Variants in MBNL2 observed in about 807,000 individuals in gnomAD.
MBNL2 encodes muscleblind like splicing regulator 2, also known as muscleblind-like protein 2.
MBNL2 carries 17 observed loss-of-function variants against 41.9 expected under a neutral mutation model. The observed-to-expected ratio is 0.41, with a 90% CI of 0.28 to 0.61. The LOEUF (loss-of-function observed/expected upper bound fraction) is 0.61, where lower values mean the gene tolerates loss of function less well. Among genes scored for constraint, MBNL2 ranks in the 20% least tolerant of loss-of-function variants. The pLI is 0.35. For missense variants in MBNL2, 336 were observed against 505.6 expected (o/e 0.66, Z 3.22); for synonymous variants, 195 against 182.9 (o/e 1.07, Z -0.53).
chr13:97,257,624 G>T (rs1469954964), intron 1 of MBNL2, among the ~76,000 whole-genome samples: 2 of 152,206 alleles, frequency 1.3e-5, no homozygotes, highest in Non-Finnish European at 2.9e-5. Flanking sequence ...AGATTTCTTG[G>T]TTCATCTTTA....
chr13:97,336,601 G>A (rs1284973759), intron 3 of MBNL2, among the ~76,000 whole-genome samples: 2 of 152,092 alleles, frequency 1.3e-5, no homozygotes, highest in East Asian at 1.9e-4. Context: ...GCAGAGGAAT[G>A]CCAGCAACCA....
chr13:97,154,989 AC>A, the MBNL2 span, among the ~76,000 whole-genome samples: 1 of 152,056 alleles, frequency 6.6e-6, no homozygotes, highest in Non-Finnish European at 1.5e-5. Flanking sequence ...TTTTGGACAG[AC>A]CTATGACTCC....
the MBNL2 span, among the ~76,000 whole-genome samples, chr13:97,154,810 G>GATGT: frequency 6.6e-6 from 1 of 151,802 alleles, no homozygotes; most frequent in Non-Finnish European, 1.5e-5. Context: ...TGGATGGATG[G>GATGT]ATGGATGGAT....
At chr13:97,320,775 C>T (rs936865833) in intron 2 of MBNL2, among the ~76,000 whole-genome samples, 2 of 151,902 alleles carry the variant, frequency 1.3e-5, no homozygotes, top group African/African-American at 4.8e-5. Flanking sequence ...ATTAGCCGGG[C>T]ATGGTGGTGG....
chr13:97,227,764 G>A (rs566840137), intron 1 of MBNL2, among the ~76,000 whole-genome samples: 1 of 152,296 alleles, frequency 6.6e-6, no homozygotes, highest in Non-Finnish European at 1.5e-5. Flanking sequence ...CATGGGCAGC[G>A]TGTGCATTTA....
intron 1 of MBNL2, among the ~76,000 whole-genome samples, chr13:97,247,025 G>A (rs989902929): frequency 1.3e-5 from 2 of 152,166 alleles, no homozygotes; most frequent in Non-Finnish European, 2.9e-5. Flanking sequence ...TTATTGTGCA[G>A]GCTGACAGTC....
the MBNL2 span, among the ~76,000 whole-genome samples, chr13:97,159,177 TGTTG>T: frequency 1.3e-5 from 2 of 152,088 alleles, no homozygotes; most frequent in African/African-American, 4.8e-5. Flanking sequence ...TTTTGATCTT[TGTTG>T]GTTTAAAGTC....
At chr13:97,387,689 A>C (rs1200095014) in intron 8 of MBNL2, among the ~76,000 whole-genome samples, 2 of 152,182 alleles carry the variant, frequency 1.3e-5, no homozygotes, top group East Asian at 3.8e-4. Context: ...CTCCAAACTC[A>C]TGCTGGTTTG....
intron 2 of MBNL2, among the ~76,000 whole-genome samples, chr13:97,323,393 A>G (rs922664541): frequency 6.6e-6 from 1 of 152,232 alleles, no homozygotes; most frequent in Non-Finnish European, 1.5e-5. Context: ...TCAACCAACT[A>G]TGGATTGAAA....
upstream of MBNL2, among the ~76,000 whole-genome samples, chr13:97,218,645 G>T (rs2040613626): frequency 6.6e-6 from 1 of 151,866 alleles, no homozygotes; most frequent in African/African-American, 2.4e-5. Flanking sequence ...CAAACATTCT[G>T]CTTTCTAGTT....
the MBNL2 span, among the ~76,000 whole-genome samples, chr13:97,211,606 G>T: frequency 2.0e-5 from 3 of 152,292 alleles, no homozygotes; most frequent in African/African-American, 4.8e-5. Flanking sequence ...AGACCAAAAT[G>T]ATGTGAGGTG....
chr13:97,165,205 A>C, the MBNL2 span, among the ~76,000 whole-genome samples: 3 of 152,172 alleles, frequency 2.0e-5, no homozygotes, highest in South Asian at 2.1e-4. Context: ...CCCTATGTCC[A>C]AAAGAAAAAA....
At chr13:97,357,902 T>G (rs980067567) in intron 7 of MBNL2, among the ~76,000 whole-genome samples, 1 of 152,228 alleles carries the variant, frequency 6.6e-6, no homozygotes, top group African/African-American at 2.4e-5. Flanking sequence ...TTCTTGTATT[T>G]GCACAAGCCC....
chr13:97,314,956 G>C (rs1297326185), intron 2 of MBNL2, among the ~76,000 whole-genome samples: 4 of 152,228 alleles, frequency 2.6e-5, no homozygotes, highest in African/African-American at 9.6e-5. Context: ...ATAAGAATCA[G>C]GGTTGAAAAC....
chr13:97,208,289 T>C, the MBNL2 span, among the ~76,000 whole-genome samples: 23 of 152,326 alleles, frequency 1.5e-4, no homozygotes, highest in Non-Finnish European at 2.9e-4. Context: ...GGGACCATTA[T>C]TTAGCAGGAA....
chr13:97,247,728 A>G (rs2045749021), intron 1 of MBNL2, among the ~76,000 whole-genome samples: 1 of 152,216 alleles, frequency 6.6e-6, no homozygotes, highest in Admixed American at 6.5e-5. Context: ...CATTTATTCC[A>G]TATTTTAAAT....
chr13:97,141,947 C>CTA, the MBNL2 span, among the ~76,000 whole-genome samples: 1 of 152,142 alleles, frequency 6.6e-6, no homozygotes, highest in African/African-American at 2.4e-5. Context: ...TTCTCCTTGG[C>CTA]TATAGCTCAG....
the MBNL2 span, among the ~76,000 whole-genome samples, chr13:97,142,528 T>G: frequency 6.6e-6 from 1 of 152,236 alleles, no homozygotes. Context: ...CCTCCACACA[T>G]AGTGTGGGTG....
intron 1 of MBNL2, among the ~76,000 whole-genome samples, chr13:97,258,947 C>A (rs1271559692): frequency 6.6e-6 from 1 of 152,174 alleles, no homozygotes; most frequent in Non-Finnish European, 1.5e-5. Context: ...CTCTCTCTGG[C>A]CTGACTTCGA....
Sources: gnomAD v4.1 joint callset for allele counts (sites outside exome capture counted in the v4.1 genomes callset) on GRCh38, gnomAD v4.1.1 for gene constraint, MANE v1.5 for transcripts, NCBI Gene and HGNC (gene_info 2026-07-23, HGNC 2026-07-21) for gene names.